RANBP17: variants seen among roughly 807,000 people sequenced by gnomAD.
The protein encoded by RANBP17 is RAN binding protein 17.
Under a neutral mutation model 141.2 loss-of-function variants are expected in RANBP17, and 158 were observed. That is an observed-to-expected ratio of 1.12 (90% CI 0.98 to 1.28). The LOEUF (loss-of-function observed/expected upper bound fraction) is 1.28. Ranked by LOEUF, RANBP17 falls within the 50% of genes most tolerant of loss-of-function variation. The probability of loss-of-function intolerance (pLI) is 0.00; values close to 1 mark genes in which losing one functional copy is unlikely to be tolerated. For synonymous variants in RANBP17, 430 were observed against 450.0 expected (o/e 0.96, Z 0.56); for missense variants, 1,438 against 1,290.7 (o/e 1.11, Z -1.75).
intron 14 of RANBP17, among the ~76,000 whole-genome samples, chr5:171,099,093 C>T (rs556591322): frequency 2.6e-5 from 4 of 151,994 alleles, no homozygotes; most frequent in East Asian, 3.9e-4. Flanking sequence ...CATGGCTATA[C>T]GGGCTCTTTT....
chr5:171,251,174 G>T (rs1326217255), intron 24 of RANBP17, among the ~76,000 whole-genome samples: 1 of 152,092 alleles, frequency 6.6e-6, no homozygotes, highest in Non-Finnish European at 1.5e-5. Context: ...GTGCAGCCTT[G>T]TGTTCCCAAG....
At chr5:171,129,984 A>G (rs1204394184) in intron 14 of RANBP17, among the ~76,000 whole-genome samples, 1 of 152,228 alleles carries the variant, frequency 6.6e-6, no homozygotes, top group Non-Finnish European at 1.5e-5. Context: ...AGAAAAGAAA[A>G]TGGACATTTT....
At chr5:170,914,683 C>T (rs1340678106) in intron 8 of RANBP17, among the ~76,000 whole-genome samples, 2 of 152,124 alleles carry the variant, frequency 1.3e-5, no homozygotes, top group Non-Finnish European at 1.5e-5. Context: ...TGAAGGGGAT[C>T]TACTCACTTG....
rs749470832 is a variant in RANBP17, at chr5:171,170,161, T to A, written c.1742T>A (p.Ile581Lys). 1 of 1,589,238 alleles carries A rather than the reference T, an allele frequency of 6.3e-7. No homozygotes were observed. The highest frequency in any genetic ancestry group is 1.2e-5 in the South Asian group (1 of 86,412). Residue 581 changes from isoleucine to lysine, a missense_variant, in exon 15 of 28, where the codon ATA becomes AAA. Ile to Lys is a moderately radical substitution (Grantham distance 102, BLOSUM62 -3). Coordinates refer to ENST00000523189, the MANE Select transcript of RANBP17 (RefSeq NM_022897.5). ...VYARMSEVLG[I>K]TDDNHVLETF... ...GCTCGTATGTCAGAAGTCTTAGGAA[T>A]AACAGATGACAACCACGTTCTAGAG... is the stretch of plus-strand genomic sequence containing the variant.
rs564042289 is a variant in RANBP17, at chr5:171,183,535, G to A, written c.2038+105G>A. 3 of 733,788 alleles carry A rather than the reference G, an allele frequency of 4.1e-6. No individual in the cohort carries two copies. The East Asian group carries it at 8.1e-5, about 20-fold the overall frequency. The allele number at this position is 733,788 out of a possible 1,614,324, so 45.5% of individuals were successfully genotyped here. A position where few individuals can be genotyped will look rare whatever the true frequency, so the allele number is the denominator to read the frequency against. Reference sequence around the variant, plus strand: ...TACAACATTTAACTTATTAGAATTAGCGTCTTCTGACAGTTTTCTACAACC... The same window carrying A: ...TACAACATTTAACTTATTAGAATTAACGTCTTCTGACAGTTTTCTACAACC... On this transcript the variant is annotated intron_variant, in intron 18 of 27. Coordinates refer to ENST00000523189, the MANE Select transcript of RANBP17 (RefSeq NM_022897.5).
chr5:171,122,278 GT>G (rs917381629), intron 14 of RANBP17, among the ~76,000 whole-genome samples: 5 of 151,822 alleles, frequency 3.3e-5, no homozygotes, highest in Non-Finnish European at 7.4e-5. Context: ...TTGTTGCCTT[GT>G]TTTTTTTCTT....
intron 14 of RANBP17, among the ~76,000 whole-genome samples, chr5:171,064,588 C>T (rs1463962200): frequency 1.3e-5 from 2 of 152,186 alleles, no homozygotes; most frequent in South Asian, 4.1e-4. Context: ...CCTTCTCCTT[C>T]CAGGCTCAAG....
chr5:171,103,926 A>G (rs245774), intron 14 of RANBP17, among the ~76,000 whole-genome samples: 104,761 of 151,694 alleles, frequency 0.69, 36,680 homozygotes, highest in South Asian at 0.91. Context: ...CCCTCTGTGG[A>G]CTGTACCCAC....
intron 14 of RANBP17, among the ~76,000 whole-genome samples, chr5:170,987,859 G>A (rs954620636): frequency 1.3e-5 from 2 of 151,394 alleles, no homozygotes; most frequent in Non-Finnish European, 3.0e-5. Flanking sequence ...TATGGTGTAA[G>A]TTAGAGAAAT....
intron 14 of RANBP17, among the ~76,000 whole-genome samples, chr5:171,115,582 C>T (rs950289849): frequency 4.6e-5 from 7 of 151,954 alleles, no homozygotes; most frequent in African/African-American, 9.7e-5. Context: ...GGATGTATAC[C>T]CCTTTTTATG....
At chr5:171,240,894 A>G in intron 22 of RANBP17, 34 bp from the exon 23 acceptor site, 1 of 1,404,064 alleles carries the variant, frequency 7.1e-7, no homozygotes, top group East Asian at 2.3e-5. Flanking sequence ...AATGACATCT[A>G]CTTATGTCAC....
At chr5:170,988,287 ATTTT>A (rs575208341) in intron 14 of RANBP17, among the ~76,000 whole-genome samples, 5 of 143,990 alleles carry the variant, frequency 3.5e-5, no homozygotes, top group African/African-American at 1.3e-4. Flanking sequence ...TTGATGATTG[ATTTT>A]TTTTTTTTAA....
At chr5:171,077,860 A>T (rs1581575040) in intron 14 of RANBP17, among the ~76,000 whole-genome samples, 3 of 152,238 alleles carry the variant, frequency 2.0e-5, no homozygotes, top group African/African-American at 7.2e-5. Flanking sequence ...CAGCCATAAC[A>T]TTCCCTCAAG....
At chr5:170,980,153 AG>A (rs749013965) in intron 14 of RANBP17, among the ~76,000 whole-genome samples, 6 of 152,182 alleles carry the variant, frequency 3.9e-5, no homozygotes, top group Non-Finnish European at 7.3e-5. Flanking sequence ...GAGATAATTT[AG>A]GGTATCTGGT....
chr5:170,968,293 T>C lies in RANBP17; in HGVS notation c.1626T>C (p.Asn542=). ...ATACCGGATTGCCTCGATGTTGTAATGAGAAAATAGAGCTTGCAATTCTGT... is the reference window on the plus strand; with the variant it reads ...ATACCGGATTGCCTCGATGTTGTAACGAGAAAATAGAGCTTGCAATTCTGT... ...LMDTGLPRCC[N]EKIELAILWF... Residue 542 remains asparagine, a synonymous_variant, in exon 14 of 28, where the codon AAT becomes AAC. Coordinates refer to ENST00000523189, the MANE Select transcript of RANBP17 (RefSeq NM_022897.5). 1 of 1,607,478 alleles carries C rather than the reference T, an allele frequency of 6.2e-7. No homozygotes were observed. Among genetic ancestry groups the C allele is most frequent in the Admixed American group, 1.7e-5 (1 of 59,026 alleles).
intron 3 of RANBP17, among the ~76,000 whole-genome samples, chr5:170,883,283 A>T (rs1254076923): frequency 6.6e-6 from 1 of 152,210 alleles, no homozygotes; most frequent in Non-Finnish European, 1.5e-5. Context: ...AAATAGACTT[A>T]ATTTTTTTAG....
intron 4 of RANBP17, among the ~76,000 whole-genome samples, chr5:170,893,223 T>G (rs1324344537): frequency 1.4e-5 from 2 of 143,524 alleles, no homozygotes; most frequent in African/African-American, 2.5e-5. Flanking sequence ...TTACATAAAT[T>G]CAGATATATG....
At chr5:171,063,397 A>G (rs985726658) in intron 14 of RANBP17, among the ~76,000 whole-genome samples, 1 of 152,170 alleles carries the variant, frequency 6.6e-6, no homozygotes, top group African/African-American at 2.4e-5. Flanking sequence ...CCTCAGCTGC[A>G]GGTCTGTTGG....
intron 14 of RANBP17, among the ~76,000 whole-genome samples, chr5:171,136,537 A>G (rs1757298539): frequency 6.6e-6 from 1 of 152,034 alleles, no homozygotes; most frequent in Admixed American, 6.6e-5. Flanking sequence ...CAGGACTTTT[A>G]GCAGCAAACA....
Sources: gnomAD v4.1 joint callset for allele counts (sites outside exome capture counted in the v4.1 genomes callset) on GRCh38, gnomAD v4.1.1 for gene constraint, MANE v1.5 for transcripts, NCBI Gene and HGNC (gene_info 2026-07-23, HGNC 2026-07-21) for gene names.